PCMTD1: variants seen among roughly 807,000 people sequenced by gnomAD.
PCMTD1 encodes the protein protein-L-isoaspartate (D-aspartate) O-methyltransferase domain containing 1.
Under a neutral mutation model 37.6 loss-of-function variants are expected in PCMTD1, and 12 were observed. That is an observed-to-expected ratio of 0.32 (90% CI 0.20 to 0.52). The LOEUF (loss-of-function observed/expected upper bound fraction) is 0.52, where lower values mean the gene tolerates loss of function less well. Ranked by LOEUF, PCMTD1 falls within the 20% of genes least tolerant of loss-of-function variation. The pLI, the probability that PCMTD1 is intolerant of heterozygous loss-of-function variation, is 0.97. For missense variants in PCMTD1, 235 were observed against 421.3 expected, an observed-to-expected ratio of 0.56 and a Z score of 3.87; for synonymous variants, 117 against 135.8, an observed-to-expected ratio of 0.86 and a Z score of 0.96.
intron 1 of PCMTD1, among the ~76,000 whole-genome samples, chr8:51,863,688 G>A (rs1032398333): frequency 5.9e-5 from 9 of 152,160 alleles, no homozygotes; most frequent in Non-Finnish European, 1.0e-4. Flanking sequence ...TTGGGAGGTC[G>A]AGGCGGGCAG....
intron 1 of PCMTD1, 101 bp from the exon 2 acceptor site, chr8:51,861,347 A>G: frequency 1.2e-6 from 1 of 854,084 alleles, no homozygotes; most frequent in Admixed American, 3.2e-5. Flanking sequence ...ACCATTTCTC[A>G]TGGAAATATT....
intron 1 of PCMTD1, among the ~76,000 whole-genome samples, chr8:51,884,865 C>A (rs1463762669): frequency 1.3e-5 from 2 of 152,184 alleles, no homozygotes; most frequent in East Asian, 3.8e-4. Context: ...TCCAACAAGA[C>A]CTGTTCTCAG....
intron 2 of PCMTD1, among the ~76,000 whole-genome samples, chr8:51,846,454 C>T (rs1210046231): frequency 6.6e-6 from 1 of 152,170 alleles, no homozygotes; most frequent in Admixed American, 6.5e-5. Context: ...CCTGAAAATA[C>T]GAGGACTCAG....
intron 1 of PCMTD1, among the ~76,000 whole-genome samples, chr8:51,893,024 CACTT>C (rs2129295929): frequency 6.6e-6 from 1 of 152,238 alleles, no homozygotes; most frequent in East Asian, 1.9e-4. Flanking sequence ...ATTTTAAGCT[CACTT>C]ACAATTTGTA....
intron 1 of PCMTD1, among the ~76,000 whole-genome samples, chr8:51,893,950 A>C (rs1344167850): frequency 6.6e-6 from 1 of 152,248 alleles, no homozygotes; most frequent in Non-Finnish European, 1.5e-5. Context: ...ACAGTAAGAC[A>C]TAGTTTGTGC....
Position 51,820,448 on chromosome 8 carries a change from G to GGCTTCATT in PCMTD1, c.969_976dup (p.Pro326GlnfsTer2). 1 of 1,613,598 alleles carries GGCTTCATT rather than the reference G, an allele frequency of 6.2e-7. No individual in the cohort carries two copies. Among genetic ancestry groups the GGCTTCATT allele is most frequent in the Non-Finnish European group, 8.5e-7 (1 of 1,179,774 alleles). On this transcript the variant is annotated stop_gained and frameshift_variant, in exon 6 of 6. Coordinates refer to ENST00000522514, the MANE Select transcript of PCMTD1 (RefSeq NM_052937.4). LOFTEE classifies it high-confidence loss of function. ...CAGTAAATTTTGAGGTGGCTCCTCT[G>GGCTTCATT]GCTTCATTGCTTCATTGTGATCTTT...
At chr8:51,861,520 G>A (rs946652205) in intron 1 of PCMTD1, among the ~76,000 whole-genome samples, 7 of 151,956 alleles carry the variant, frequency 4.6e-5, no homozygotes, top group African/African-American at 1.7e-4. Flanking sequence ...CATTATGGTG[G>A]CCACTAGTCA....
At chr8:51,854,186 C>T (rs1200416095) in intron 2 of PCMTD1, among the ~76,000 whole-genome samples, 1 of 152,102 alleles carries the variant, frequency 6.6e-6, no homozygotes, top group Non-Finnish European at 1.5e-5. Flanking sequence ...GAAGAAATTA[C>T]TATGAAAACT....
chr8:51,830,854 A>G (rs751356825), intron 5 of PCMTD1, among the ~76,000 whole-genome samples: 37 of 152,232 alleles, frequency 2.4e-4, no homozygotes, highest in Admixed American at 7.9e-4. Context: ...CCTACAGTAG[A>G]TGCCCTTCCC....
chr8:51,830,262 C>T (rs550157109), intron 5 of PCMTD1, among the ~76,000 whole-genome samples: 1 of 152,332 alleles, frequency 6.6e-6, no homozygotes, highest in South Asian at 2.1e-4. Context: ...TTCTATCTAA[C>T]CCTAGCCTAA....
chr8:51,884,594 C>G (rs2038838356), intron 1 of PCMTD1, among the ~76,000 whole-genome samples: 1 of 152,170 alleles, frequency 6.6e-6, no homozygotes, highest in Non-Finnish European at 1.5e-5. Context: ...GTTCAGCAGA[C>G]AGCACTGGAG....
chr8:51,861,540 A>G (rs1363646597), intron 1 of PCMTD1, among the ~76,000 whole-genome samples: 1 of 152,138 alleles, frequency 6.6e-6, no homozygotes, highest in African/African-American at 2.4e-5. Flanking sequence ...ACACATGGCT[A>G]CCTAGATCTA....
Position 51,818,867 on chromosome 8 carries a change from C to G in PCMTD1, c.*1484G>C, listed in dbSNP as rs998292602. ...CTTAGCAGAGAGATAATAATCCTTT[C>G]ACTATACATTGCTTGGGCTTCCTTA... On this transcript the variant is annotated 3_prime_UTR_variant, in exon 6 of 6. Coordinates refer to ENST00000522514, the MANE Select transcript of PCMTD1 (RefSeq NM_052937.4). 6.6e-6 allele frequency: 1 copy of G among 152,438 alleles called. No homozygotes were observed. The highest frequency in any genetic ancestry group is 3.4e-3 in the Middle Eastern group (1 of 296). The allele number at this position is 152,438 out of a possible 1,614,324, so 9.4% of individuals were successfully genotyped here.
intron 1 of PCMTD1, among the ~76,000 whole-genome samples, chr8:51,892,497 G>A (rs138932087): frequency 4.0e-4 from 61 of 152,262 alleles, no homozygotes; most frequent in Middle Eastern, 3.4e-3. Flanking sequence ...GTCAGAAAAG[G>A]AACCAAAAAG....
chr8:51,823,522 A>G (rs2037878164), intron 5 of PCMTD1, among the ~76,000 whole-genome samples: 1 of 152,230 alleles, frequency 6.6e-6, no homozygotes, highest in Admixed American at 6.5e-5. Context: ...GATAAGTCTC[A>G]GTCCTAATTA....
Position 51,838,426 on chromosome 8 carries a change from C to T in PCMTD1, c.411-4737G>A, listed in dbSNP as rs921525120. ...ATCGCTTGAGCCCACAAGCTGTAAA[C>T]TACGGTGAGCTATGACCATGGCCAC... On this transcript the variant is annotated intron_variant, in intron 3 of 5. Coordinates refer to ENST00000522514, the MANE Select transcript of PCMTD1 (RefSeq NM_052937.4). Among the ~76,000 whole-genome samples, 5 of 152,032 alleles carry T rather than the reference C, an allele frequency of 3.3e-5. No individual in the cohort carries two copies. The East Asian group carries it at 9.7e-4, about 29-fold the overall frequency.
At chr8:51,827,082 A>G in intron 5 of PCMTD1, 4 of 986,144 alleles carry the variant, frequency 4.1e-6, no homozygotes, top group Non-Finnish European at 3.6e-6. Context: ...TCTCAACAGA[A>G]AGCTATTTTA....
chr8:51,898,844 C>T (rs2039051873), intron 1 of PCMTD1, 86 bp downstream of exon 1: 9 of 1,211,690 alleles, frequency 7.4e-6, no homozygotes, highest in Non-Finnish European at 8.3e-6. Flanking sequence ...CTCTGGCCTC[C>T]AAGCGCATCC....
chr8:51,877,465 G>A (rs1359808012), intron 1 of PCMTD1, among the ~76,000 whole-genome samples: 1 of 152,196 alleles, frequency 6.6e-6, no homozygotes, highest in Non-Finnish European at 1.5e-5. Context: ...AAGCATGCTA[G>A]GGCAAATATT....
Sources: gnomAD v4.1 joint callset for allele counts (sites outside exome capture counted in the v4.1 genomes callset) on GRCh38, gnomAD v4.1.1 for gene constraint, MANE v1.5 for transcripts, NCBI Gene and HGNC (gene_info 2026-07-23, HGNC 2026-07-21) for gene names.